The following CNTLN variants were observed in gnomAD, a reference collection of about 807,000 sequenced individuals.
CNTLN encodes centlein, centrosomal protein.
A neutral mutation model predicts 180.0 loss-of-function variants in CNTLN; 212 were observed. That is an observed-to-expected ratio of 1.18 (90% confidence interval 1.05 to 1.32). CNTLN has a LOEUF of 1.32. Ranked by LOEUF, CNTLN falls within the 40% of genes most tolerant of loss-of-function variation. The pLI is 0.00. For missense variants in CNTLN, 2,095 were observed against 1,610.9 expected, an observed-to-expected ratio of 1.30 and a Z score of -5.14; for synonymous variants, 722 against 563.1, an observed-to-expected ratio of 1.28 and a Z score of -3.99.
intron 18 of CNTLN, among the ~76,000 whole-genome samples, chr9:17,451,471 A>T (rs1043184822): frequency 6.6e-6 from 1 of 152,316 alleles, no homozygotes; most frequent in Admixed American, 6.5e-5. Context: ...AGTTATTGGA[A>T]ACAGATCATT....
intron 8 of CNTLN, among the ~76,000 whole-genome samples, chr9:17,314,386 G>C (rs2132972148): frequency 6.6e-6 from 1 of 152,262 alleles, no homozygotes; most frequent in South Asian, 2.1e-4. Context: ...TGGAAGTGTT[G>C]AAATAAATAT....
chr9:17,430,974 T>C (rs1829382388), intron 18 of CNTLN, among the ~76,000 whole-genome samples: 1 of 152,166 alleles, frequency 6.6e-6, no homozygotes, highest in African/African-American at 2.4e-5. Context: ...CTAGATTGAT[T>C]CCGTGTCTTG....
chr9:17,481,068 G>A (rs1832618709), intron 23 of CNTLN, among the ~76,000 whole-genome samples: 1 of 152,022 alleles, frequency 6.6e-6, no homozygotes, highest in African/African-American at 2.4e-5. Context: ...CCAGATCCCA[G>A]CTTACGTACC....
intron 2 of CNTLN, among the ~76,000 whole-genome samples, chr9:17,207,549 G>A (rs1186577451): frequency 3.3e-5 from 5 of 152,144 alleles, no homozygotes; most frequent in Non-Finnish European, 5.9e-5. Flanking sequence ...TAGTACCTGG[G>A]CTGGGTAGCA....
intron 18 of CNTLN, among the ~76,000 whole-genome samples, chr9:17,429,915 T>C (rs1470164622): frequency 1.3e-5 from 2 of 152,026 alleles, no homozygotes; most frequent in African/African-American, 4.8e-5. Flanking sequence ...CAAAGGAATT[T>C]TATTGCTCTT....
At chr9:17,480,777 TA>T (rs1435494349) in intron 23 of CNTLN, among the ~76,000 whole-genome samples, 3 of 152,034 alleles carry the variant, frequency 2.0e-5, no homozygotes, top group African/African-American at 7.2e-5. Flanking sequence ...AAGGAAGAAA[TA>T]AAAAGTAAGT....
chr9:17,409,747 G>A (rs1293760647), intron 16 of CNTLN, among the ~76,000 whole-genome samples: 1 of 151,860 alleles, frequency 6.6e-6, no homozygotes, highest in African/African-American at 2.4e-5. Context: ...TTGTTTTCAG[G>A]TATATGAAAT....
chr9:17,331,608 A>G (rs1820648202), intron 9 of CNTLN, among the ~76,000 whole-genome samples: 1 of 151,760 alleles, frequency 6.6e-6, no homozygotes, highest in Admixed American at 6.6e-5. Context: ...GTTTCTTTCC[A>G]TTTTTTCTTA....
chr9:17,310,249 T>A (rs1246824477), intron 8 of CNTLN, among the ~76,000 whole-genome samples: 1 of 152,158 alleles, frequency 6.6e-6, no homozygotes, highest in African/African-American at 2.4e-5. Context: ...CTTATCATTT[T>A]GATTTTTTTA....
At chr9:17,313,459 C>T (rs1209037790) in intron 8 of CNTLN, among the ~76,000 whole-genome samples, 1 of 151,894 alleles carries the variant, frequency 6.6e-6, no homozygotes, top group Admixed American at 6.6e-5. Context: ...ATCCTCTAGA[C>T]CCACAGTTTC....
At chr9:17,226,909 T>C (rs902752568) in intron 3 of CNTLN, among the ~76,000 whole-genome samples, 1 of 151,084 alleles carries the variant, frequency 6.6e-6, no homozygotes, top group Non-Finnish European at 1.5e-5. Context: ...TGCCACAGAC[T>C]TTTTTTTAAT....
rs1828168268 is a variant in CNTLN at position 17,415,698 on chromosome 9, A to AT, written c.2797-84dup. On this transcript the variant is annotated intron_variant, in intron 16 of 25. Transcript: ENST00000380647. Reference sequence around the variant, plus strand: ...AAAAAAATTCTGCATAAACAATTGTATTTTTTAAGTAAAGAGATGTTATTT... The same window carrying AT: ...AAAAAAATTCTGCATAAACAATTGTATTTTTTTAAGTAAAGAGATGTTATTT... 4.3e-5 allele frequency: 38 copies of AT among 883,152 alleles called. No individual in the cohort carries two copies. In the South Asian group the frequency reaches 6.2e-4, roughly 14 times the overall value. The allele number at this position is 883,152 out of a possible 1,614,324, so 54.7% of individuals were successfully genotyped here. A position where few individuals can be genotyped will look rare whatever the true frequency, so the allele number is the denominator to read the frequency against.
At chr9:17,388,972 G>A (rs1825895541) in intron 14 of CNTLN, among the ~76,000 whole-genome samples, 1 of 151,772 alleles carries the variant, frequency 6.6e-6, no homozygotes, top group South Asian at 2.1e-4. Context: ...TAAATAGTTT[G>A]TTCTTGTGAT....
Position 17,174,722 on chromosome 9 carries a change from A to G in CNTLN, c.449+31346A>G, listed in dbSNP as rs1376448614. On this transcript the variant is annotated intron_variant, in intron 2 of 25. Coordinates refer to ENST00000380647, the MANE Select transcript of CNTLN (RefSeq NM_017738.4). The stretch of plus-strand genomic sequence containing the variant: ...GGAAAAAAAAAAAAAAAAGAAAGAA[A>G]TTGCCAAACCGTTTGTCAGAGTGTC... Among the ~76,000 whole-genome samples, 4 of 151,946 alleles carry G rather than the reference A, an allele frequency of 2.6e-5. No homozygotes were observed. In the East Asian group the frequency reaches 7.7e-4, roughly 29 times the overall value.
chr9:17,258,499 T>C (rs1826689438), intron 5 of CNTLN, among the ~76,000 whole-genome samples: 1 of 151,386 alleles, frequency 6.6e-6, no homozygotes, highest in South Asian at 2.1e-4. Flanking sequence ...AAGTAGTTTT[T>C]TCCAATTCTG....
At chr9:17,459,757 C>G (rs2134172515) in intron 19 of CNTLN, among the ~76,000 whole-genome samples, 1 of 151,834 alleles carries the variant, frequency 6.6e-6, no homozygotes, top group Non-Finnish European at 1.5e-5. Flanking sequence ...GGTCTTCCTT[C>G]TATGTGTCTG....
intron 5 of CNTLN, among the ~76,000 whole-genome samples, chr9:17,242,636 A>G (rs746535933): frequency 1.2e-4 from 18 of 152,178 alleles, no homozygotes; most frequent in Non-Finnish European, 1.9e-4. Flanking sequence ...TTCTGTTGAT[A>G]TGATGTATCT....
chr9:17,263,500 CAT>C (rs1165090921), intron 5 of CNTLN, among the ~76,000 whole-genome samples: 9 of 151,432 alleles, frequency 5.9e-5, no homozygotes, highest in Non-Finnish European at 1.2e-4. Flanking sequence ...CCACAATAAA[CAT>C]ATGTGTGCAT....
intron 18 of CNTLN, among the ~76,000 whole-genome samples, chr9:17,454,869 C>T (rs538930387): frequency 5.3e-5 from 8 of 152,222 alleles, no homozygotes; most frequent in African/African-American, 7.2e-5. Context: ...TTGTTCTTAA[C>T]GTGACTTAAA....
Sources: allele counts gnomAD v4.1 joint callset (sites outside exome capture counted in the v4.1 genomes callset), GRCh38; gene constraint gnomAD v4.1.1; transcripts MANE v1.5; gene names NCBI Gene and HGNC (gene_info 2026-07-23, HGNC 2026-07-21).